The following WWOX variants were observed in gnomAD, a reference collection of about 807,000 sequenced individuals.
WWOX encodes the protein WW domain-containing oxidoreductase.
In WWOX, 69 loss-of-function variants were observed where a neutral mutation model predicts 46.2. That is an observed-to-expected ratio of 1.49 (90% confidence interval 1.23 to 1.82). WWOX has a LOEUF of 1.82. Among genes scored for constraint, WWOX ranks in the 40% most tolerant of loss-of-function variants. The pLI is 0.00. For synonymous variants in WWOX, 359 were observed against 202.6 expected, an observed-to-expected ratio of 1.77 and a Z score of -6.56; for missense variants, 919 against 542.6, an observed-to-expected ratio of 1.69 and a Z score of -6.89.
intron 8 of WWOX, among the ~76,000 whole-genome samples, chr16:78,736,593 G>A (rs1237932647): frequency 7.1e-6 from 1 of 141,208 alleles, no homozygotes; most frequent in African/African-American, 2.8e-5. Context: ...TTGTTTTGTT[G>A]TTTTATTTTG....
intron 8 of WWOX, among the ~76,000 whole-genome samples, chr16:79,024,449 T>A (rs1463548648): frequency 6.6e-6 from 1 of 151,990 alleles, no homozygotes; most frequent in Non-Finnish European, 1.5e-5. Context: ...TTTTCTTTGT[T>A]TTGAGACGGA....
At chr16:78,099,970 C>G (rs183585438) in intron 1 of WWOX, 85 bp downstream of exon 1, 1 of 1,520,382 alleles carries the variant, frequency 6.6e-7, no homozygotes, top group Non-Finnish European at 8.8e-7. Context: ...GACGCGCACT[C>G]CAGCGCAGCG....
At chr16:78,371,974 A>G (rs2081700724) in intron 5 of WWOX, among the ~76,000 whole-genome samples, 1 of 152,204 alleles carries the variant, frequency 6.6e-6, no homozygotes, top group African/African-American at 2.4e-5. Context: ...TGAGGCTGGA[A>G]ATAGACATGT....
intron 8 of WWOX, among the ~76,000 whole-genome samples, chr16:78,458,680 G>A (rs982022894): frequency 3.3e-5 from 5 of 151,858 alleles, no homozygotes; most frequent in African/African-American, 4.8e-5. Context: ...TAATTTTTTA[G>A]CATTAATATT....
At chr16:78,865,226 T>G (rs2043978101) in intron 8 of WWOX, among the ~76,000 whole-genome samples, 1 of 152,030 alleles carries the variant, frequency 6.6e-6, no homozygotes, top group Non-Finnish European at 1.5e-5. Context: ...ATGCGATCAG[T>G]TTTTTTTCCT....
chr16:79,020,773 G>C (rs2047517447), intron 8 of WWOX, among the ~76,000 whole-genome samples: 1 of 152,208 alleles, frequency 6.6e-6, no homozygotes. Flanking sequence ...CACACGTCGT[G>C]TGGATTCTTT....
At chr16:78,344,148 G>T (rs1256671434) in intron 5 of WWOX, among the ~76,000 whole-genome samples, 2 of 77,194 alleles carry the variant, frequency 2.6e-5, no homozygotes, top group Non-Finnish European at 6.0e-5. Flanking sequence ...TGTTTCACCA[G>T]ACTGAGCATC....
intron 8 of WWOX, among the ~76,000 whole-genome samples, chr16:78,968,492 A>G (rs1033992429): frequency 3.3e-5 from 5 of 152,208 alleles, no homozygotes; most frequent in Non-Finnish European, 4.4e-5. Flanking sequence ...CGTGGATGCA[A>G]TTATGTTTCA....
At chr16:79,097,942 G>GCCGGGTGACTAAGGCAGGA (rs1465322554) in intron 8 of WWOX, among the ~76,000 whole-genome samples, 1 of 152,150 alleles carries the variant, frequency 6.6e-6, no homozygotes, top group African/African-American at 2.4e-5. Flanking sequence ...GTCAGGTCCT[G>GCCGGGTGACTAAGGCAGGA]CCGGGTGACT....
At chr16:78,921,810 G>A (rs1191559676) in intron 8 of WWOX, among the ~76,000 whole-genome samples, 3 of 152,184 alleles carry the variant, frequency 2.0e-5, no homozygotes, top group Non-Finnish European at 4.4e-5. Flanking sequence ...GACACCCACT[G>A]CAAGTTTGAG....
chr16:78,874,255 CAAAA>C (rs55971104), intron 8 of WWOX, among the ~76,000 whole-genome samples: 1 of 91,534 alleles, frequency 1.1e-5, no homozygotes. Context: ...GACTCTGTCT[CAAAA>C]AAAAAAAAAA....
intron 8 of WWOX, among the ~76,000 whole-genome samples, chr16:78,722,695 T>C (rs1050059265): frequency 2.3e-5 from 3 of 132,974 alleles, no homozygotes; most frequent in Non-Finnish European, 3.3e-5. Flanking sequence ...GTAGTTTGTC[T>C]CTGTTTTTTT....
At chr16:78,625,696 T>C (rs1004287383) in intron 8 of WWOX, among the ~76,000 whole-genome samples, 4 of 151,110 alleles carry the variant, frequency 2.6e-5, no homozygotes, top group East Asian at 2.0e-4. Flanking sequence ...GGTGCAAAAG[T>C]AAATGTGTTT....
At chr16:78,553,565 A>G (rs2044222515) in intron 8 of WWOX, among the ~76,000 whole-genome samples, 1 of 152,260 alleles carries the variant, frequency 6.6e-6, no homozygotes, top group African/African-American at 2.4e-5. Context: ...AGAATCCGCT[A>G]GAGCCCTGTA....
chr16:78,589,461 G>T (rs893442107), intron 8 of WWOX, among the ~76,000 whole-genome samples: 1 of 152,098 alleles, frequency 6.6e-6, no homozygotes, highest in Non-Finnish European at 1.5e-5. Flanking sequence ...TATGTGGCTG[G>T]CAGTTCTGTC....
At chr16:78,772,113 G>A (rs1407013015) in intron 8 of WWOX, among the ~76,000 whole-genome samples, 2 of 152,068 alleles carry the variant, frequency 1.3e-5, no homozygotes, top group Non-Finnish European at 2.9e-5. Context: ...TGTCACAAAG[G>A]TTTGTTGAAC....
intron 4 of WWOX, among the ~76,000 whole-genome samples, chr16:78,153,869 T>A (rs1245560288): frequency 1.3e-5 from 2 of 152,196 alleles, no homozygotes; most frequent in African/African-American, 4.8e-5. Flanking sequence ...GGAACCTTCC[T>A]GGCATCGGGG....
In WWOX at chr16:78,712,054, A is replaced by G. The variant is rs543464503; in HGVS notation, c.1056+279302A>G. 5.3e-5 allele frequency among the ~76,000 whole-genome samples: 8 copies of G among 152,256 alleles called. No individual in the cohort carries two copies. The South Asian group carries it at 1.7e-3, about 32-fold the overall frequency. On this transcript the variant is annotated intron_variant, in intron 8 of 8. Transcript: ENST00000566780. Reference sequence around the variant, plus strand: ...AGGGCGCCTGAGCTCTTGGTCTCCTATATCTTATATTCATTATAGATGTCT... The same window carrying G: ...AGGGCGCCTGAGCTCTTGGTCTCCTGTATCTTATATTCATTATAGATGTCT...
chr16:78,508,838 T>G (rs1000867306), intron 8 of WWOX, among the ~76,000 whole-genome samples: 1 of 152,200 alleles, frequency 6.6e-6, no homozygotes, highest in Non-Finnish European at 1.5e-5. Context: ...GATTACTGTT[T>G]CCTCTCTCTC....
Sources: allele counts gnomAD v4.1 joint callset (sites outside exome capture counted in the v4.1 genomes callset), GRCh38; gene constraint gnomAD v4.1.1; transcripts MANE v1.5; gene names NCBI Gene and HGNC (gene_info 2026-07-23, HGNC 2026-07-21).